The following SPRED1 variants were observed in gnomAD, a reference collection of about 807,000 sequenced individuals.
SPRED1 encodes sprouty related EVH1 domain containing 1.
SPRED1 carries 18 observed loss-of-function variants against 52.3 expected under a neutral mutation model. The ratio of observed to expected loss-of-function variants is 0.34; its 90% confidence interval spans 0.24 to 0.51. SPRED1 has a LOEUF of 0.51. Among genes scored for constraint, SPRED1 ranks in the 20% least tolerant of loss-of-function variants. SPRED1 has a pLI of 0.97. For missense variants in SPRED1, 485 were observed against 551.0 expected, an observed-to-expected ratio of 0.88 and a Z score of 1.20; for synonymous variants, 155 against 179.7, an observed-to-expected ratio of 0.86 and a Z score of 1.10.
intron 1 of SPRED1, among the ~76,000 whole-genome samples, chr15:38,263,446 T>C (rs1894242618): frequency 6.6e-6 from 1 of 151,962 alleles, no homozygotes; most frequent in African/African-American, 2.4e-5. Context: ...TATTAAGTAA[T>C]AATGGAAAGA....
At position 38,252,872 on chromosome 15, in the gene SPRED1, CCA is replaced by C. The variant is rs1202088954; in HGVS notation, c.-313_-312del. The C allele has an allele frequency of 2.1e-6, 1 of 470,016 alleles. No homozygotes were observed. The highest frequency in any genetic ancestry group is 2.0e-5 in the African/African-American group (1 of 50,010). 29.1% of individuals were successfully genotyped at this position (470,016 alleles called of 1,614,324 possible). A position where few individuals can be genotyped will look rare whatever the true frequency, so the allele number is the denominator to read the frequency against. ...CCCCAGTGGCTGGAGGAGCAGCTCT[CCA>C]GTCAGCCTTTGCAGCCCCTCTCTTT... On this transcript the variant is annotated 5_prime_UTR_variant, in exon 1 of 7. Coordinates refer to ENST00000299084, the MANE Select transcript of SPRED1 (RefSeq NM_152594.3).
In SPRED1 at chr15:38,355,917, A is replaced by G. The variant is rs1346029820; in HGVS notation, c.*4253A>G. ...AGAAACACAACCGGAGGTGATTTAT[A>G]TAAACCAAAAGAAAAAAAAAGGCTT... On this transcript the variant is annotated 3_prime_UTR_variant, in exon 7 of 7. Transcript: ENST00000299084. 1.2e-4 allele frequency: 18 copies of G among 152,198 alleles called. No individual in the cohort carries two copies. The highest frequency in any genetic ancestry group is 8.5e-4 in the Admixed American group (13 of 15,288). 9.4% of individuals were successfully genotyped at this position (152,198 alleles called of 1,614,324 possible).
At chr15:38,347,243 G>T (rs1440823438) in intron 5 of SPRED1, among the ~76,000 whole-genome samples, 3 of 151,704 alleles carry the variant, frequency 2.0e-5, no homozygotes, top group African/African-American at 4.8e-5. Flanking sequence ...TTCCACATAG[G>T]TTACTAATTG....
intron 2 of SPRED1, among the ~76,000 whole-genome samples, chr15:38,314,055 T>C (rs993544469): frequency 6.6e-6 from 1 of 151,896 alleles, no homozygotes; most frequent in African/African-American, 2.4e-5. Context: ...TTAGAGATGA[T>C]AGCCTATGCA....
chr15:38,331,166 A>G (rs1895798551), intron 4 of SPRED1, among the ~76,000 whole-genome samples: 1 of 119,188 alleles, frequency 8.4e-6, no homozygotes, highest in African/African-American at 2.5e-5. Flanking sequence ...ACAAATTTTC[A>G]TTGTGCATTA....
intron 6 of SPRED1, among the ~76,000 whole-genome samples, chr15:38,350,269 T>G (rs1249022504): frequency 6.6e-6 from 1 of 152,188 alleles, no homozygotes; most frequent in Non-Finnish European, 1.5e-5. Context: ...CACATGGTCT[T>G]TCCTCACTTT....
rs201837340 is a variant in SPRED1 at position 38,351,014 on chromosome 15, G to T, written c.685G>T (p.Val229Phe). Residue 229 changes from valine to phenylalanine, a missense_variant and splice_region_variant, in exon 7 of 7, where the codon GTC becomes TTC. Physicochemically the swap from Val to Phe is conservative, Grantham distance 50. Transcript: ENST00000299084. ...CAGTTTTTATCTGTTTCTTTTTTAG[G>T]TCCCTTTGAAATCAATCAGACATGT... is the stretch of plus-strand genomic sequence containing the variant. The part of the protein sequence containing the change: ...ECGSLKSQNR[V>F]PLKSIRHVSF... 6.2e-7 allele frequency: 1 copy of T among 1,612,108 alleles called. No individual in the cohort carries two copies. The highest frequency in any genetic ancestry group is 8.5e-7 in the Non-Finnish European group (1 of 1,179,502).
At chr15:38,313,321 C>T (rs1895406783) in intron 2 of SPRED1, among the ~76,000 whole-genome samples, 1 of 151,882 alleles carries the variant, frequency 6.6e-6, no homozygotes, top group African/African-American at 2.4e-5. Flanking sequence ...TAAAATGGAG[C>T]AGTGCCTCAG....
intron 1 of SPRED1, among the ~76,000 whole-genome samples, chr15:38,273,836 G>A (rs776905836): frequency 7.9e-5 from 12 of 151,934 alleles, no homozygotes; most frequent in South Asian, 6.3e-4. Flanking sequence ...GGTGGTTCCC[G>A]ACTCCTTAAA....
chr15:38,254,283 T>A (rs891085283), intron 1 of SPRED1, among the ~76,000 whole-genome samples: 2 of 152,220 alleles, frequency 1.3e-5, no homozygotes, highest in African/African-American at 4.8e-5. Context: ...GAAATAACTT[T>A]TTAAAGTCTG....
At chr15:38,348,811 T>C (rs1478069155) in intron 5 of SPRED1, among the ~76,000 whole-genome samples, 1 of 152,164 alleles carries the variant, frequency 6.6e-6, no homozygotes, top group Admixed American at 6.5e-5. Context: ...TGATATATTC[T>C]AGCTATAATT....
intron 1 of SPRED1, among the ~76,000 whole-genome samples, chr15:38,282,081 C>A (rs548165631): frequency 2.6e-5 from 4 of 152,298 alleles, no homozygotes; most frequent in South Asian, 4.1e-4. Context: ...TGGACACCAG[C>A]ATCACTGAGT....
At chr15:38,318,833 C>T (rs1895542978) in intron 2 of SPRED1, among the ~76,000 whole-genome samples, 1 of 152,104 alleles carries the variant, frequency 6.6e-6, no homozygotes, top group African/African-American at 2.4e-5. Context: ...ACCACATTTT[C>T]TTTATTTAAT....
At chr15:38,327,313 C>T (rs1895725549) in intron 4 of SPRED1, among the ~76,000 whole-genome samples, 2 of 152,084 alleles carry the variant, frequency 1.3e-5, no homozygotes, top group African/African-American at 4.8e-5. Flanking sequence ...GAAGTATGGT[C>T]GTTTTAAAAT....
intron 5 of SPRED1, among the ~76,000 whole-genome samples, chr15:38,343,399 GAA>G (rs1348831290): frequency 1.3e-5 from 2 of 152,124 alleles, no homozygotes; most frequent in African/African-American, 4.8e-5. Flanking sequence ...AATTGATAGA[GAA>G]AGGCACAACG....
intron 5 of SPRED1, among the ~76,000 whole-genome samples, chr15:38,343,604 CA>C (rs1173728423): frequency 6.6e-6 from 1 of 151,940 alleles, no homozygotes; most frequent in Non-Finnish European, 1.5e-5. Context: ...AGAGAGAGAA[CA>C]AAAAAACTTC....
At chr15:38,349,629 A>G in intron 6 of SPRED1, 106 bp downstream of exon 6, 1 of 854,648 alleles carries the variant, frequency 1.2e-6, no homozygotes, top group Non-Finnish European at 1.9e-6. Context: ...GTACTAGAAA[A>G]TTTTTCATTG....
rs1888621915 is a variant in SPRED1, at chr15:38,356,375, A to T, written c.*4711A>T. On this transcript the variant is annotated 3_prime_UTR_variant, in exon 7 of 7. Transcript: ENST00000299084. ...ACTTCATACCCGTGTAATTGGACATAGCAGATGATTATCATAAGAATTTGT... is the reference window on the plus strand; with the variant it reads ...ACTTCATACCCGTGTAATTGGACATTGCAGATGATTATCATAAGAATTTGT... 6.6e-6 allele frequency: 1 copy of T among 152,142 alleles called. No individual in the cohort carries two copies. The highest frequency in any genetic ancestry group is 1.5e-5 in the Non-Finnish European group (1 of 67,978). The allele number at this position is 152,142 out of a possible 1,614,324, so 9.4% of individuals were successfully genotyped here. A position where few individuals can be genotyped will look rare whatever the true frequency, so the allele number is the denominator to read the frequency against.
chr15:38,257,294 A>T (rs1894117522), intron 1 of SPRED1, among the ~76,000 whole-genome samples: 1 of 152,154 alleles, frequency 6.6e-6, no homozygotes, highest in South Asian at 2.1e-4. Flanking sequence ...TGCCTAGCAC[A>T]GTGCTTGATG....
Sources: gnomAD v4.1 joint callset for allele counts (sites outside exome capture counted in the v4.1 genomes callset) on GRCh38, gnomAD v4.1.1 for gene constraint, MANE v1.5 for transcripts, NCBI Gene and HGNC (gene_info 2026-07-23, HGNC 2026-07-21) for gene names.